DTNB: variants seen among roughly 807,000 people sequenced by gnomAD.
DTNB encodes DTN-B.
A neutral mutation model predicts 90.7 loss-of-function variants in DTNB; 63 were observed. That is an observed-to-expected ratio of 0.69 (90% CI 0.57 to 0.86). The LOEUF is 0.86. DTNB is among the 40% of genes least tolerant of loss of function. DTNB has a pLI of 0.00. For synonymous variants in DTNB, 277 were observed against 286.7 expected, an observed-to-expected ratio of 0.97 and a Z score of 0.34; for missense variants, 744 against 807.1, an observed-to-expected ratio of 0.92 and a Z score of 0.95.
chr2:25,437,552 G>T (rs965009607), intron 12 of DTNB, among the ~76,000 whole-genome samples: 1 of 151,976 alleles, frequency 6.6e-6, no homozygotes, highest in Non-Finnish European at 1.5e-5. Flanking sequence ...ATGAGCCACC[G>T]CACTCAGCTT....
At chr2:25,427,079 G>A (rs2051935651) in intron 15 of DTNB, among the ~76,000 whole-genome samples, 1 of 152,076 alleles carries the variant, frequency 6.6e-6, no homozygotes, top group Admixed American at 6.6e-5. Context: ...TCGGGAGGCT[G>A]AGGCAGGAGA....
intron 7 of DTNB, among the ~76,000 whole-genome samples, chr2:25,579,093 A>G (rs1261580260): frequency 1.3e-5 from 2 of 152,230 alleles, no homozygotes; most frequent in Admixed American, 1.3e-4. Context: ...GTTGATATGC[A>G]TATGGATAAT....
intron 4 of DTNB, among the ~76,000 whole-genome samples, chr2:25,624,961 TATAAC>T (rs2073792129): frequency 1.3e-5 from 2 of 152,320 alleles, no homozygotes; most frequent in Admixed American, 6.5e-5. Flanking sequence ...ATTATCAAAA[TATAAC>T]ATATTCAGAA....
chr2:25,419,453 T>C, intron 16 of DTNB, 62 bp downstream of exon 16: 3 of 1,552,112 alleles, frequency 1.9e-6, no homozygotes, highest in South Asian at 1.2e-5. Context: ...AACATTTATA[T>C]GAGGAAAGGA....
At chr2:25,405,403 T>C (rs1195934944) in intron 16 of DTNB, among the ~76,000 whole-genome samples, 2 of 152,048 alleles carry the variant, frequency 1.3e-5, no homozygotes, top group Non-Finnish European at 2.9e-5. Context: ...TAGCTGGTTG[T>C]GGCTGCGGGC....
At chr2:25,522,701 CTTTTT>C (rs201567111) in intron 9 of DTNB, among the ~76,000 whole-genome samples, 1 of 133,472 alleles carries the variant, frequency 7.5e-6, no homozygotes. Context: ...AAACTGAGGT[CTTTTT>C]TTTTTTTTTT....
intron 18 of DTNB, among the ~76,000 whole-genome samples, chr2:25,384,750 C>T (rs981495753): frequency 6.6e-6 from 1 of 152,144 alleles, no homozygotes; most frequent in Non-Finnish European, 1.5e-5. Flanking sequence ...TGGCTCCCCA[C>T]TGAGGAAGAA....
chr2:25,628,764 C>T lies in DTNB; in HGVS notation c.149-380G>A, dbSNP rs116091311. The stretch of plus-strand genomic sequence containing the variant: ...GTCAGCTTTACTGTATTACTTTAGC[C>T]GAGCAACTAAAGCAACATTTTACAA... On this transcript the variant is annotated intron_variant, in intron 3 of 20. Transcript: ENST00000406818. 9.2e-4 allele frequency among the ~76,000 whole-genome samples: 140 copies of T among 152,212 alleles called. 1 individual carries two copies. The highest frequency in any genetic ancestry group is 3.3e-3 in the African/African-American group (135 of 41,526).
At chr2:25,415,644 A>T (rs2047725314) in intron 16 of DTNB, among the ~76,000 whole-genome samples, 1 of 152,096 alleles carries the variant, frequency 6.6e-6, no homozygotes, top group African/African-American at 2.4e-5. Flanking sequence ...TGGGGAGGGG[A>T]GAGGGGCTAA....
intron 7 of DTNB, among the ~76,000 whole-genome samples, chr2:25,577,953 T>TCGCAC (rs1266986362): frequency 5.3e-5 from 8 of 152,040 alleles, no homozygotes; most frequent in Admixed American, 1.3e-4. Context: ...TGAGCCAAGA[T>TCGCAC]CGCACCATTG....
At chr2:25,528,759 A>C (rs1435564030) in intron 9 of DTNB, among the ~76,000 whole-genome samples, 1 of 152,224 alleles carries the variant, frequency 6.6e-6, no homozygotes, top group Non-Finnish European at 1.5e-5. Flanking sequence ...GTATATCTTA[A>C]ATAGCTGTAG....
At chr2:25,515,187 C>A (rs1476292918) in intron 9 of DTNB, among the ~76,000 whole-genome samples, 1 of 151,310 alleles carries the variant, frequency 6.6e-6, no homozygotes, top group Non-Finnish European at 1.5e-5. Context: ...CGAAAAAAAA[C>A]AAGGGAGAAG....
intron 7 of DTNB, among the ~76,000 whole-genome samples, chr2:25,580,130 C>T (rs975672669): frequency 1.3e-5 from 2 of 151,682 alleles, no homozygotes; most frequent in Non-Finnish European, 2.9e-5. Context: ...TGCAGGCACC[C>T]ACAACCACGC....
intron 9 of DTNB, among the ~76,000 whole-genome samples, chr2:25,499,041 C>A (rs2069744779): frequency 6.6e-6 from 1 of 151,744 alleles, no homozygotes; most frequent in African/African-American, 2.4e-5. Flanking sequence ...CATGGTGAAA[C>A]ACTGTCTCTA....
At chr2:25,638,164 A>G (rs1008730362) in intron 3 of DTNB, among the ~76,000 whole-genome samples, 1 of 152,182 alleles carries the variant, frequency 6.6e-6, no homozygotes, top group African/African-American at 2.4e-5. Context: ...AACAATGAGA[A>G]CACTTGGACA....
At chr2:25,579,565 GA>G (rs1366546821) in intron 7 of DTNB, among the ~76,000 whole-genome samples, 2 of 152,136 alleles carry the variant, frequency 1.3e-5, no homozygotes. Flanking sequence ...CCTAAAGGAG[GA>G]GATAAACTGA....
At chr2:25,444,855 G>T (rs1478332385) in intron 12 of DTNB, among the ~76,000 whole-genome samples, 1 of 152,186 alleles carries the variant, frequency 6.6e-6, no homozygotes, top group Admixed American at 6.5e-5. Context: ...GAGATTAGAG[G>T]ATTAGGAGTT....
chr2:25,566,074 C>T (rs1052583506), intron 8 of DTNB, among the ~76,000 whole-genome samples: 5 of 152,202 alleles, frequency 3.3e-5, no homozygotes, highest in African/African-American at 1.2e-4. Flanking sequence ...CTGGTCTAAT[C>T]ACATGAACCC....
intron 8 of DTNB, among the ~76,000 whole-genome samples, chr2:25,549,785 C>A (rs975763598): frequency 8.6e-5 from 13 of 152,024 alleles, no homozygotes; most frequent in Admixed American, 2.6e-4. Flanking sequence ...CTCAGCCTGC[C>A]AAGTAGCTGG....
Sources: allele counts gnomAD v4.1 joint callset (sites outside exome capture counted in the v4.1 genomes callset), GRCh38; gene constraint gnomAD v4.1.1; transcripts MANE v1.5; gene names NCBI Gene and HGNC (gene_info 2026-07-23, HGNC 2026-07-21).